RAB3GAP1: variants seen among roughly 807,000 people sequenced by gnomAD.
The protein encoded by RAB3GAP1 is rab3 GTPase-activating protein catalytic subunit.
A neutral mutation model predicts 130.7 loss-of-function variants in RAB3GAP1; 86 were observed. That is an observed-to-expected ratio of 0.66 (90% confidence interval 0.55 to 0.79). The LOEUF (loss-of-function observed/expected upper bound fraction) is 0.79, where lower values mean the gene tolerates loss of function less well. Ranked by LOEUF, RAB3GAP1 falls within the 30% of genes least tolerant of loss-of-function variation. The probability of loss-of-function intolerance (pLI) is 0.00; values close to 1 mark genes in which losing one functional copy is unlikely to be tolerated. For missense variants in RAB3GAP1, 1,029 were observed against 1,169.4 expected, an observed-to-expected ratio of 0.88 and a Z score of 1.75; for synonymous variants, 367 against 401.7, an observed-to-expected ratio of 0.91 and a Z score of 1.03.
At chr2:135,154,271 C>T (rs1692250180) in intron 19 of RAB3GAP1, among the ~76,000 whole-genome samples, 1 of 151,944 alleles carries the variant, frequency 6.6e-6, no homozygotes, top group Admixed American at 6.6e-5. Context: ...CCAAAGTTTC[C>T]AACAACAGGG....
chr2:135,081,100 A>G (rs73959258), intron 3 of RAB3GAP1, among the ~76,000 whole-genome samples: 6,089 of 151,718 alleles, frequency 0.04, 272 homozygotes, highest in East Asian at 0.18. Context: ...TTAAGACCAT[A>G]TTACGTATTA....
At chr2:135,157,916 GTGAAACTC>G (rs1692360702) in intron 19 of RAB3GAP1, among the ~76,000 whole-genome samples, 1 of 151,572 alleles carries the variant, frequency 6.6e-6, no homozygotes, top group Non-Finnish European at 1.5e-5. Context: ...TACAGCAATT[GTGAAACTC>G]TTTTAGATGT....
At chr2:135,149,122 T>G (rs72978397) in intron 17 of RAB3GAP1, among the ~76,000 whole-genome samples, 9,059 of 152,212 alleles carry the variant, frequency 0.06, 518 homozygotes, top group African/African-American at 0.15. Context: ...GTGGGAGAGA[T>G]AGTCAGTGTC....
chr2:135,143,627 G>A (rs1172221861), intron 17 of RAB3GAP1, among the ~76,000 whole-genome samples: 2 of 146,864 alleles, frequency 1.4e-5, no homozygotes, highest in Non-Finnish European at 3.0e-5. Flanking sequence ...GTGCGATCTC[G>A]GCTCACTGCA....
chr2:135,174,691 G>A (rs147145619), downstream of RAB3GAP1, among the ~76,000 whole-genome samples: 20 of 152,322 alleles, frequency 1.3e-4, no homozygotes, highest in South Asian at 8.3e-4. Flanking sequence ...GTTACATAAC[G>A]AGGGAACTGC....
rs1011450534 is a variant in RAB3GAP1, at chr2:135,093,523, A to G, written c.284-92A>G. 3.2e-6 allele frequency: 3 copies of G among 930,450 alleles called. No homozygotes were observed. In the African/African-American group the frequency reaches 4.9e-5, roughly 15 times the overall value. The allele number at this position is 930,450 out of a possible 1,614,324, so 57.6% of individuals were successfully genotyped here. A position where few individuals can be genotyped will look rare whatever the true frequency, so the allele number is the denominator to read the frequency against. ...CTTAAAGCAATATCAAAACTGCATG[A>G]TCTAGCAAGACATGTGTTTCCTCAA... On this transcript the variant is annotated intron_variant, in intron 4 of 23. Coordinates refer to ENST00000264158, the MANE Select transcript of RAB3GAP1 (RefSeq NM_012233.3).
intron 5 of RAB3GAP1, among the ~76,000 whole-genome samples, chr2:135,103,922 C>T (rs1365466729): frequency 6.6e-6 from 1 of 152,238 alleles, no homozygotes; most frequent in Non-Finnish European, 1.5e-5. Context: ...CCTCTCTACA[C>T]ATCCGTAGAT....
At chr2:135,091,770 A>G (rs1558771318) in intron 4 of RAB3GAP1, among the ~76,000 whole-genome samples, 1 of 152,170 alleles carries the variant, frequency 6.6e-6, no homozygotes, top group Non-Finnish European at 1.5e-5. Flanking sequence ...CATGCCAGGT[A>G]CTCAATAAAT....
intron 17 of RAB3GAP1, among the ~76,000 whole-genome samples, chr2:135,139,759 G>A (rs1309211322): frequency 6.6e-6 from 1 of 152,044 alleles, no homozygotes; most frequent in African/African-American, 2.4e-5. Flanking sequence ...TTATCCAAAT[G>A]TAACTACTGA....
At chr2:135,155,371 A>G (rs1692282190) in intron 19 of RAB3GAP1, among the ~76,000 whole-genome samples, 1 of 152,218 alleles carries the variant, frequency 6.6e-6, no homozygotes, top group Non-Finnish European at 1.5e-5. Context: ...TTGAAGAGAA[A>G]GTAGTATAAA....
At chr2:135,153,625 C>T in intron 18 of RAB3GAP1, 24 bp from the exon 19 acceptor site, 1 of 1,605,448 alleles carries the variant, frequency 6.2e-7, no homozygotes, top group Non-Finnish European at 8.5e-7. Flanking sequence ...TTTGATTCTG[C>T]TGAATTTTTT....
intron 19 of RAB3GAP1, among the ~76,000 whole-genome samples, chr2:135,156,557 C>G (rs1179359463): frequency 6.6e-6 from 1 of 152,064 alleles, no homozygotes; most frequent in East Asian, 1.9e-4. Flanking sequence ...AAAATTGTAT[C>G]TCTATTTATG....
chr2:135,141,948 C>T (rs1446512239), intron 17 of RAB3GAP1, among the ~76,000 whole-genome samples: 1 of 152,098 alleles, frequency 6.6e-6, no homozygotes, highest in African/African-American at 2.4e-5. Flanking sequence ...ATTATTGTAG[C>T]TTTATAATAA....
At chr2:135,168,363 C>T (rs1328790670) in intron 23 of RAB3GAP1, among the ~76,000 whole-genome samples, 182 bp from the exon 24 acceptor site, 1 of 152,230 alleles carries the variant, frequency 6.6e-6, no homozygotes, top group Non-Finnish European at 1.5e-5. Context: ...CATGCAGTGT[C>T]TCAAGCTTCT....
chr2:135,091,088 CAA>C lies in RAB3GAP1; in HGVS notation c.242_243del (p.Gln81ArgfsTer4). On this transcript the variant is annotated frameshift_variant, in exon 4 of 24. Coordinates refer to ENST00000264158, the MANE Select transcript of RAB3GAP1 (RefSeq NM_012233.3). LOFTEE classifies it high-confidence loss of function. Reference sequence around the variant, plus strand: ...CTCAGTCACTCATCATTATCTTGTACAAGAGTCCACTGATAAAGAAGGAAAGG... The same window carrying C: ...CTCAGTCACTCATCATTATCTTGTACGAGTCCACTGATAAAGAAGGAAAGG... Reference protein sequence around the residue: ...KFSVTHHYLVQESTDKEGKDE... With the variant: ...KFSVTHHYLVXESTDKEGKDE... 1 of 1,601,074 alleles carries C rather than the reference CAA, an allele frequency of 6.2e-7. No homozygotes were observed. Among genetic ancestry groups the C allele is most frequent in the South Asian group, 1.1e-5 (1 of 90,756 alleles).
At chr2:135,069,385 G>A (rs1267682341) in intron 3 of RAB3GAP1, among the ~76,000 whole-genome samples, 1 of 152,012 alleles carries the variant, frequency 6.6e-6, no homozygotes, top group Non-Finnish European at 1.5e-5. Flanking sequence ...TCTGCATTTA[G>A]TTTTATAATT....
At chr2:135,074,491 A>T (rs1689566604) in intron 3 of RAB3GAP1, among the ~76,000 whole-genome samples, 1 of 152,076 alleles carries the variant, frequency 6.6e-6, no homozygotes, top group Non-Finnish European at 1.5e-5. Context: ...CAAACTTTGA[A>T]CTCTTACCCG....
chr2:135,139,796 A>G (rs1395321327), intron 17 of RAB3GAP1, among the ~76,000 whole-genome samples: 2 of 152,146 alleles, frequency 1.3e-5, no homozygotes, highest in African/African-American at 4.8e-5. Context: ...TAATGTTTCT[A>G]AGGAATTAAA....
rs749820611 is a variant in RAB3GAP1, at chr2:135,150,382, T to G, written c.1937T>G (p.Met646Arg). ...TGTGCTTCACAGGAACCAGCACCTATGACAGAAGATCTGCTAGAAGAGCAG... is the reference window on the plus strand; with the variant it reads ...TGTGCTTCACAGGAACCAGCACCTAGGACAGAAGATCTGCTAGAAGAGCAG... ...YIPVTQEPAP[M>R]TEDLLEEQSE... The change falls in exon 18 of 24, where the codon ATG (methionine) becomes AGG (arginine). Residue 646 changes from methionine (M) to arginine (R), a missense_variant. Physicochemically the swap from Met to Arg is moderately conservative, Grantham distance 91 (BLOSUM62 -1). Transcript: ENST00000264158. 3.7e-6 allele frequency: 6 copies of G among 1,614,236 alleles called. No individual in the cohort carries two copies. Among genetic ancestry groups the G allele is most frequent in the Non-Finnish European group, 5.1e-6 (6 of 1,180,042 alleles).
Sources: gnomAD v4.1 joint callset for allele counts (sites outside exome capture counted in the v4.1 genomes callset) on GRCh38, gnomAD v4.1.1 for gene constraint, MANE v1.5 for transcripts, NCBI Gene and HGNC (gene_info 2026-07-23, HGNC 2026-07-21) for gene names.